B4GALT7: variants seen among roughly 807,000 people sequenced by gnomAD.
B4GALT7 encodes the protein UDP-Gal:beta-GlcNAc beta-1,4-galactosyltransferase 7.
A neutral mutation model predicts 33.0 loss-of-function variants in B4GALT7; 30 were observed. That is an observed-to-expected ratio of 0.91 (90% CI 0.68 to 1.23). The LOEUF is 1.23. Ranked by LOEUF, B4GALT7 falls within the 50% of genes most tolerant of loss-of-function variation. The pLI is 0.00. For missense variants in B4GALT7, 507 were observed against 450.8 expected (o/e 1.12, Z -1.13); for synonymous variants, 213 against 187.2 (o/e 1.14, Z -1.13).
Position 177,608,531 on chromosome 5 carries a change from T to C in B4GALT7, c.640-8T>C. ...TGGGCCGAGTGACGCTGCTTGTCTC[T>C]GTGTCAGTGCAATGGGATGTCCAAC... On this transcript the variant is annotated splice_region_variant and splice_polypyrimidine_tract_variant and intron_variant, in intron 3 of 5. Transcript: ENST00000029410. This position sits in a 1 kb window ranked among gnomAD's most constrained non-coding sequence, Gnocchi z 4.1. 6.2e-7 allele frequency: 1 copy of C among 1,609,216 alleles called. No individual in the cohort carries two copies. Among genetic ancestry groups the C allele is most frequent in the Non-Finnish European group, 8.5e-7 (1 of 1,176,464 alleles).
In B4GALT7 at chr5:177,604,080, C is replaced by T. The variant is rs776092355; in HGVS notation, c.51-99C>T. ...CTAATTCCCAGGTGCTTGGGGTAGA[C>T]GAGTTATGTGCAGCCTCCTCGTGGG... On this transcript the variant is annotated intron_variant, in intron 1 of 5. Coordinates refer to ENST00000029410, the MANE Select transcript of B4GALT7 (RefSeq NM_007255.3). The T allele has an allele frequency of 1.9e-5, 29 of 1,547,612 alleles. No individual in the cohort carries two copies. In the South Asian group the frequency reaches 2.7e-4, roughly 14 times the overall value.
In B4GALT7 at chr5:177,608,655, C is replaced by T. The variant is rs1231266481; in HGVS notation, c.723+33C>T. On this transcript the variant is annotated intron_variant, in intron 4 of 5. Coordinates refer to ENST00000029410, the MANE Select transcript of B4GALT7 (RefSeq NM_007255.3). The surrounding 1 kb of genome is among the most constrained non-coding windows in gnomAD (Gnocchi z 4.1). ...TCCCCGGGCCCCGCCGCCACCTCAG[C>T]TGCGGTGGCTGCCCTGAGATTTTCT... 6.3e-7 allele frequency: 1 copy of T among 1,581,768 alleles called. No homozygotes were observed. The highest frequency in any genetic ancestry group is 1.1e-5 in the South Asian group (1 of 90,348).
rs73337783 is a variant in B4GALT7, at chr5:177,606,974, C to T, written c.414-328C>T. ...CTCCACCCCCAGCAAGATCGCCCTC[C>T]TTGCCTGCTTTGCTTTTCCCCCCAG... On this transcript the variant is annotated intron_variant, in intron 2 of 5. Transcript: ENST00000029410. This position sits in a 1 kb window ranked among gnomAD's most constrained non-coding sequence, Gnocchi z 4.2. 0.035 allele frequency: 14,672 copies of T among 420,756 alleles called. 369 individuals carry two copies. Among genetic ancestry groups the T allele is most frequent in the African/African-American group, 0.072 (3,549 of 49,432 alleles). The allele number at this position is 420,756 out of a possible 1,614,324, so 26.1% of individuals were successfully genotyped here.
At chr5:177,605,132 C>T (rs1001191985) in intron 2 of B4GALT7, 5 of 415,890 alleles carry the variant, frequency 1.2e-5, no homozygotes, top group South Asian at 6.9e-5. Context: ...CCCCAGACCC[C>T]CCCCTTTTCC....
At position 177,609,684 on chromosome 5, in the gene B4GALT7, A is replaced by T; in HGVS notation, c.973A>T (p.Thr325Ser). The T allele has an allele frequency of 6.2e-7, 1 of 1,610,888 alleles. No individual in the cohort carries two copies. The highest frequency in any genetic ancestry group is 2.2e-5 in the East Asian group (1 of 44,782). ...DCDKTATPWCTFS is the reference protein window; with the variant it reads ...DCDKTATPWCSFS ...TGACAAGACCGCCACACCCTGGTGC[A>T]CATTCAGCTGAGCTGGATGGACAGT... Residue 325 changes from threonine to serine, a missense_variant, in exon 6 of 6, where the codon ACA becomes TCA. By Grantham distance (58) the Thr-to-Ser change is moderately conservative. Transcript: ENST00000029410.
At position 177,600,339 on chromosome 5, in the gene B4GALT7, C is replaced by A. The variant is rs987938167; in HGVS notation, c.50+79C>A. ...CGGCCGCCGGCGGAATCTGGGAACC[C>A]GAGGCCATCACGTCTCCATGTCTGC... On this transcript the variant is annotated intron_variant, in intron 1 of 5. Transcript: ENST00000029410. This position sits in a 1 kb window ranked among gnomAD's most constrained non-coding sequence, Gnocchi z 4.4. 3 of 1,160,102 alleles carry A rather than the reference C, an allele frequency of 2.6e-6. No homozygotes were observed. Among genetic ancestry groups the A allele is most frequent in the Non-Finnish European group, 3.3e-6 (3 of 912,962 alleles). The allele number at this position is 1,160,102 out of a possible 1,614,324, so 71.9% of individuals were successfully genotyped here. A position where few individuals can be genotyped will look rare whatever the true frequency, so the allele number is the denominator to read the frequency against.
At position 177,604,421 on chromosome 5, in the gene B4GALT7, T is replaced by A. The variant is rs1767925790; in HGVS notation, c.293T>A (p.Leu98Gln). 2 of 1,613,894 alleles carry A rather than the reference T, an allele frequency of 1.2e-6. No individual in the cohort carries two copies. The highest frequency in any genetic ancestry group is 1.7e-6 in the Non-Finnish European group (2 of 1,179,882). ...ASWGPHRLAVLVPFRERFEEL... is the reference protein window; with the variant it reads ...ASWGPHRLAVQVPFRERFEEL... ...TGGGGCCCCCACCGCCTGGCAGTGC[T>A]GGTGCCCTTCCGCGAACGCTTCGAG... is the stretch of plus-strand genomic sequence containing the variant. Residue 98 changes from leucine to glutamine, a missense_variant, in exon 2 of 6, where the codon CTG becomes CAG. Physicochemically the swap from Leu to Gln is moderately radical, Grantham distance 113. Coordinates refer to ENST00000029410, the MANE Select transcript of B4GALT7 (RefSeq NM_007255.3).
At chr5:177,609,342 G>A (rs900190973) in intron 5 of B4GALT7, among the ~76,000 whole-genome samples, 198 bp from the exon 6 acceptor site, 2 of 152,310 alleles carry the variant, frequency 1.3e-5, no homozygotes, top group African/African-American at 2.4e-5. Flanking sequence ...GGAGGCTTAT[G>A]CATCCAACTG....
chr5:177,608,327 G>A lies in B4GALT7; in HGVS notation c.640-212G>A, dbSNP rs1298392708. 3 of 576,764 alleles carry A rather than the reference G, an allele frequency of 5.2e-6. No homozygotes were observed. In the African/African-American group the frequency reaches 5.6e-5, roughly 11 times the overall value. The allele number at this position is 576,764 out of a possible 1,614,324, so 35.7% of individuals were successfully genotyped here. A position where few individuals can be genotyped will look rare whatever the true frequency, so the allele number is the denominator to read the frequency against. On this transcript the variant is annotated intron_variant, in intron 3 of 5. Transcript: ENST00000029410. The surrounding 1 kb of genome is among the most constrained non-coding windows in gnomAD (Gnocchi z 4.1). ...CAGCCAGCCGTTTTTGAGAAGGTGAGCCTCTCACACAGGTTCAAGGCCCCG... is the reference window on the plus strand; with the variant it reads ...CAGCCAGCCGTTTTTGAGAAGGTGAACCTCTCACACAGGTTCAAGGCCCCG...
rs1403035310 is a variant in B4GALT7, at chr5:177,607,048, T to G, written c.414-254T>G. ...TTGTGTTTGCTTGTTTCTGTTTCCT[T>G]CTATTGGAATCTCAGTTCCTTGAGA... On this transcript the variant is annotated intron_variant, in intron 2 of 5. Coordinates refer to ENST00000029410, the MANE Select transcript of B4GALT7 (RefSeq NM_007255.3). 5.2e-6 allele frequency: 3 copies of G among 573,428 alleles called. No homozygotes were observed. In the African/African-American group the frequency reaches 5.6e-5, roughly 11 times the overall value. 35.5% of individuals were successfully genotyped at this position (573,428 alleles called of 1,614,324 possible).
chr5:177,609,992 C>A lies in B4GALT7; in HGVS notation c.*297C>A. The A allele has an allele frequency of 2.1e-6, 1 of 471,718 alleles. No homozygotes were observed. Among genetic ancestry groups the A allele is most frequent in the Non-Finnish European group, 3.9e-6 (1 of 254,692 alleles). 29.2% of individuals were successfully genotyped at this position (471,718 alleles called of 1,614,324 possible). On this transcript the variant is annotated 3_prime_UTR_variant, in exon 6 of 6. Coordinates refer to ENST00000029410, the MANE Select transcript of B4GALT7 (RefSeq NM_007255.3). The stretch of plus-strand genomic sequence containing the variant: ...CTCTGACCTCCTTCACGTGCCCAGG[C>A]CTGTGGGTAGTGGGGAGGGCTGAAC...
intron 3 of B4GALT7, chr5:177,607,963 C>T (rs563488161): frequency 5.9e-4 from 168 of 286,768 alleles, no homozygotes; most frequent in African/African-American, 1.2e-3. Flanking sequence ...GCAGGAGTCC[C>T]GCAGTGAGCT....
rs1216754104 is a variant in B4GALT7 at position 177,608,492 on chromosome 5, C to G, written c.640-47C>G. 3.2e-6 allele frequency: 5 copies of G among 1,554,018 alleles called. No individual in the cohort carries two copies. The highest frequency in any genetic ancestry group is 4.4e-6 in the Non-Finnish European group (5 of 1,128,702). ...CGAGCGGTAGGAGACCAAAGGCCCC[C>G]CCCCCCGGGAAGATGGGCCGAGTGA... On this transcript the variant is annotated intron_variant, in intron 3 of 5. Transcript: ENST00000029410. The surrounding 1 kb of genome is among the most constrained non-coding windows in gnomAD (Gnocchi z 4.1).
chr5:177,606,529 T>G lies in B4GALT7; in HGVS notation c.414-773T>G, dbSNP rs1768016436. On this transcript the variant is annotated intron_variant, in intron 2 of 5. Transcript: ENST00000029410. The surrounding 1 kb of genome is among the most constrained non-coding windows in gnomAD (Gnocchi z 4.2). ...CCTCCTGAGCTAGGCCACCTTCATC[T>G]TTTGGTCTCTCACCTAAATCATTGC... is the stretch of plus-strand genomic sequence containing the variant. 6.5e-6 allele frequency: 1 copy of G among 153,370 alleles called. No homozygotes were observed. The highest frequency in any genetic ancestry group is 2.0e-4 in the South Asian group (1 of 4,886). The allele number at this position is 153,370 out of a possible 1,614,324, so 9.5% of individuals were successfully genotyped here.
At chr5:177,605,391 C>T (rs1420580596) in intron 2 of B4GALT7, among the ~76,000 whole-genome samples, 2 of 152,256 alleles carry the variant, frequency 1.3e-5, no homozygotes, top group Non-Finnish European at 2.9e-5. Context: ...GGAAGGCCCT[C>T]TGCCCTGCTG....
At chr5:177,602,968 C>T (rs1767883241) in intron 1 of B4GALT7, 2 of 520,408 alleles carry the variant, frequency 3.8e-6, no homozygotes, top group Middle Eastern at 9.7e-4. Context: ...CTGCAACCTC[C>T]GCCTCCCAGA....
intron 5 of B4GALT7, among the ~76,000 whole-genome samples, chr5:177,609,284 G>A (rs1047516820): frequency 6.6e-6 from 1 of 152,186 alleles, no homozygotes; most frequent in African/African-American, 2.4e-5. Flanking sequence ...CAGAATCCCA[G>A]CCACACCCGG....
rs1307188818 is a variant in B4GALT7, at chr5:177,600,143, G to C, written c.-68G>C. ...GCGGAGCGGGAGGCGGAGGCGCCGC[G>C]TAGGCCCGGGAGGCCGGGCCGGCCG... is the stretch of plus-strand genomic sequence containing the variant. On this transcript the variant is annotated 5_prime_UTR_variant, in exon 1 of 6. Coordinates refer to ENST00000029410, the MANE Select transcript of B4GALT7 (RefSeq NM_007255.3). This position sits in a 1 kb window ranked among gnomAD's most constrained non-coding sequence, Gnocchi z 4.4. 6.1e-6 allele frequency: 7 copies of C among 1,155,520 alleles called. No homozygotes were observed. In the South Asian group the frequency reaches 2.3e-4, roughly 38 times the overall value. 71.6% of individuals were successfully genotyped at this position (1,155,520 alleles called of 1,614,324 possible).
rs1767919691 is a variant in B4GALT7 at position 177,604,329 on chromosome 5, G to A, written c.201G>A (p.Glu67=). The part of the protein sequence containing the change: ...VARAVRGQGQ[E]TSGPPRACPP... ...GGGCAGTCAGGGGACAAGGGCAGGAGACCTCGGGCCCTCCCCGTGCCTGCC... is the reference window on the plus strand; with the variant it reads ...GGGCAGTCAGGGGACAAGGGCAGGAAACCTCGGGCCCTCCCCGTGCCTGCC... Residue 67 remains glutamate, a synonymous_variant, in exon 2 of 6, where the codon GAG becomes GAA. Coordinates refer to ENST00000029410, the MANE Select transcript of B4GALT7 (RefSeq NM_007255.3). 6.2e-7 allele frequency: 1 copy of A among 1,610,744 alleles called. No homozygotes were observed. The highest frequency in any genetic ancestry group is 1.3e-5 in the African/African-American group (1 of 74,834).
Sources: allele counts gnomAD v4.1 joint callset (sites outside exome capture counted in the v4.1 genomes callset), GRCh38; gene constraint gnomAD v4.1.1; non-coding constraint Gnocchi (gnomAD v3.1); transcripts MANE v1.5; gene names NCBI Gene and HGNC (gene_info 2026-07-23, HGNC 2026-07-21).